Variants in LRMDA observed in about 807,000 individuals in gnomAD.
LRMDA encodes the protein leucine rich melanocyte differentiation associated.
Under a neutral mutation model 29.8 loss-of-function variants are expected in LRMDA, and 18 were observed. The ratio of observed to expected loss-of-function variants is 0.60; its 90% CI spans 0.42 to 0.90. The LOEUF (loss-of-function observed/expected upper bound fraction) is 0.90. LRMDA is among the 40% of genes least tolerant of loss of function. The pLI is 0.00. For synonymous variants in LRMDA, 125 were observed against 109.4 expected (o/e 1.14, Z -0.89); for missense variants, 273 against 273.9 (o/e 1.00, Z 0.02).
At chr10:76,212,612 A>G (rs1178770723) in intron 5 of LRMDA, among the ~76,000 whole-genome samples, 1 of 152,226 alleles carries the variant, frequency 6.6e-6, no homozygotes. Context: ...CCAAAAGGCA[A>G]AGAAGCTTCA....
At chr10:75,612,078 A>G (rs551425855) in intron 2 of LRMDA, among the ~76,000 whole-genome samples, 1 of 152,220 alleles carries the variant, frequency 6.6e-6, no homozygotes, top group South Asian at 2.1e-4. Context: ...AATATAACTC[A>G]TTCAAATGCC....
chr10:76,536,526 A>G (rs1764032711), intron 6 of LRMDA, among the ~76,000 whole-genome samples: 1 of 151,818 alleles, frequency 6.6e-6, no homozygotes, highest in Non-Finnish European at 1.5e-5. Flanking sequence ...GCATGTTCCC[A>G]CCTTTCCTAC....
chr10:75,782,545 G>T (rs750232115), intron 2 of LRMDA, among the ~76,000 whole-genome samples: 3 of 152,124 alleles, frequency 2.0e-5, no homozygotes, highest in Non-Finnish European at 4.4e-5. Flanking sequence ...CCTGTGAAGC[G>T]GAAAGGAGGC....
intron 2 of LRMDA, among the ~76,000 whole-genome samples, chr10:75,601,652 TATTAA>T (rs1280816369): frequency 6.6e-6 from 1 of 152,226 alleles, no homozygotes; most frequent in Non-Finnish European, 1.5e-5. Flanking sequence ...GGTAATTTGG[TATTAA>T]ATTTTGGTAA....
At chr10:76,195,451 T>C (rs1336509723) in intron 5 of LRMDA, among the ~76,000 whole-genome samples, 2 of 152,132 alleles carry the variant, frequency 1.3e-5, no homozygotes, top group Non-Finnish European at 2.9e-5. Context: ...GCCCCATACA[T>C]CTTTAAAAAA....
At chr10:76,327,094 T>G (rs1840844141) in intron 6 of LRMDA, among the ~76,000 whole-genome samples, 1 of 141,422 alleles carries the variant, frequency 7.1e-6, no homozygotes, top group South Asian at 2.1e-4. Context: ...CAAATCATCT[T>G]TTTTTTTTTT....
At chr10:76,002,084 G>T (rs1032721348) in intron 2 of LRMDA, among the ~76,000 whole-genome samples, 2 of 152,190 alleles carry the variant, frequency 1.3e-5, no homozygotes, top group Non-Finnish European at 2.9e-5. Flanking sequence ...GGAAGTCCAA[G>T]ATCAAGAGCC....
intron 2 of LRMDA, among the ~76,000 whole-genome samples, chr10:75,484,668 C>A (rs1844891438): frequency 6.6e-6 from 1 of 152,112 alleles, no homozygotes; most frequent in Non-Finnish European, 1.5e-5. Context: ...AAGGGTGGGG[C>A]CTTAATCCAA....
At chr10:75,791,695 C>T (rs1223829710) in intron 2 of LRMDA, among the ~76,000 whole-genome samples, 1 of 152,148 alleles carries the variant, frequency 6.6e-6, no homozygotes, top group Non-Finnish European at 1.5e-5. Flanking sequence ...TCTAATAATT[C>T]AGGCCCTTCC....
chr10:76,037,552 G>A (rs187162534), intron 3 of LRMDA, among the ~76,000 whole-genome samples: 20 of 152,298 alleles, frequency 1.3e-4, no homozygotes, highest in Admixed American at 1.2e-3. Context: ...GCACAGTACC[G>A]TACATGAGGT....
intron 5 of LRMDA, among the ~76,000 whole-genome samples, chr10:76,204,310 A>G (rs1851494571): frequency 7.3e-6 from 1 of 136,484 alleles, no homozygotes; most frequent in South Asian, 2.4e-4. Flanking sequence ...TCTCTATTCC[A>G]TGTGCCCATC....
intron 6 of LRMDA, among the ~76,000 whole-genome samples, chr10:76,481,606 T>C: frequency 6.6e-6 from 1 of 151,906 alleles, no homozygotes; most frequent in South Asian, 2.1e-4. Flanking sequence ...TGGGCAAAGG[T>C]CTCAGGTATA....
intron 5 of LRMDA, among the ~76,000 whole-genome samples, chr10:76,163,253 G>A (rs1850679940): frequency 6.6e-6 from 1 of 152,182 alleles, no homozygotes; most frequent in African/African-American, 2.4e-5. Flanking sequence ...TGTGATGTCA[G>A]ATAAATGACC....
intron 6 of LRMDA, chr10:76,437,678 G>C (rs903363355): frequency 2.0e-5 from 3 of 152,302 alleles, no homozygotes; most frequent in African/African-American, 7.2e-5. Context: ...GAGGAACCAG[G>C]AAAACCTTTC....
chr10:75,535,413 C>A (rs1839934673), intron 2 of LRMDA, among the ~76,000 whole-genome samples: 1 of 152,052 alleles, frequency 6.6e-6, no homozygotes, highest in South Asian at 2.1e-4. Context: ...CTCTAGTCGT[C>A]CTTTTATGAA....
chr10:75,475,572 G>A (rs887796327), intron 2 of LRMDA, among the ~76,000 whole-genome samples: 1 of 152,182 alleles, frequency 6.6e-6, no homozygotes, highest in Non-Finnish European at 1.5e-5. Context: ...GAAGCCCATT[G>A]TTTCAGGTAA....
Position 76,058,665 on chromosome 10 carries a change from G to C in LRMDA, c.399-1G>C. The C allele has an allele frequency of 1.2e-6, 2 of 1,611,584 alleles. No homozygotes were observed. The highest frequency in any genetic ancestry group is 1.7e-6 in the Non-Finnish European group (2 of 1,177,664). ...AGTTGTCTCTGACTCTTATCTTCCA[G>C]ATGCTTTGTTCTGTACAAGCTGCCC... On this transcript the variant is annotated splice_acceptor_variant, in intron 4 of 6. Coordinates refer to ENST00000611255, the MANE Select transcript of LRMDA (RefSeq NM_001305581.2). LOFTEE classifies it high-confidence loss of function.
intron 2 of LRMDA, among the ~76,000 whole-genome samples, chr10:75,493,102 G>A (rs190781739): frequency 9.9e-5 from 15 of 151,956 alleles, no homozygotes; most frequent in Non-Finnish European, 1.6e-4. Context: ...ACTAACAAAG[G>A]GGCTGTTTTT....
chr10:75,561,059 A>C (rs1330711492), intron 2 of LRMDA, among the ~76,000 whole-genome samples: 1 of 151,496 alleles, frequency 6.6e-6, no homozygotes, highest in African/African-American at 2.4e-5. Flanking sequence ...AAAATGAGTT[A>C]GTGAGGATTC....
Sources: gnomAD v4.1 joint callset for allele counts (sites outside exome capture counted in the v4.1 genomes callset) on GRCh38, gnomAD v4.1.1 for gene constraint, MANE v1.5 for transcripts, NCBI Gene and HGNC (gene_info 2026-07-23, HGNC 2026-07-21) for gene names.